Variants in SEC24D observed in about 807,000 individuals in gnomAD.
SEC24D encodes the protein SEC24 homolog D, COPII component, also known as protein transport protein Sec24D.
A neutral mutation model predicts 116.9 loss-of-function variants in SEC24D; 69 were observed. The ratio of observed to expected loss-of-function variants is 0.59; its 90% CI spans 0.49 to 0.72. The LOEUF is 0.72. SEC24D is among the 30% of genes least tolerant of loss of function. The probability of loss-of-function intolerance (pLI) is 0.00; values close to 1 mark genes in which losing one functional copy is unlikely to be tolerated. For missense variants in SEC24D, 1,131 were observed against 1,264.1 expected (o/e 0.89, Z 1.60); for synonymous variants, 405 against 442.8 (o/e 0.91, Z 1.07).
rs759981663 is a variant in SEC24D, at chr4:118,732,858, T to G, written c.2551A>C (p.Lys851Gln). ...VLPVYMNCLLKNCVLLSRPEI... is the reference protein window; with the variant it reads ...VLPVYMNCLLQNCVLLSRPEI... ...GGTCTGCTGAGTAGTACACAGTTTT[T>G]CAACAAGCAATTCATGTACACTGGC... The change falls in exon 20 of 23, where the codon AAA becomes CAA. Residue 851 changes from lysine to glutamine, a missense_variant. Coordinates refer to ENST00000280551, the MANE Select transcript of SEC24D (RefSeq NM_014822.4). 4 of 1,614,066 alleles carry G rather than the reference T, an allele frequency of 2.5e-6. No homozygotes were observed. In the South Asian group the frequency reaches 4.4e-5, roughly 18 times the overall value.
chr4:118,792,761 G>A (rs964742478), intron 8 of SEC24D, among the ~76,000 whole-genome samples: 2 of 152,022 alleles, frequency 1.3e-5, no homozygotes, highest in Non-Finnish European at 2.9e-5. Flanking sequence ...TGCGGAAGGC[G>A]GCAGGGCCCT....
chr4:118,750,909 G>A (rs1726793692), intron 13 of SEC24D, among the ~76,000 whole-genome samples: 2 of 151,598 alleles, frequency 1.3e-5, no homozygotes, highest in African/African-American at 4.8e-5. Context: ...GAATACTCTT[G>A]CAGATTAAAA....
chr4:118,782,729 G>A (rs1214531280), intron 8 of SEC24D, among the ~76,000 whole-genome samples: 5 of 152,232 alleles, frequency 3.3e-5, no homozygotes, highest in African/African-American at 1.2e-4. Context: ...GAGGCAGCAG[G>A]CCTTGCTGAG....
chr4:118,741,054 T>TA lies in SEC24D; in HGVS notation c.1996-18dup. 1 of 1,374,294 alleles carries TA rather than the reference T, an allele frequency of 7.3e-7. No individual in the cohort carries two copies. Among genetic ancestry groups the TA allele is most frequent in the Non-Finnish European group, 1.0e-6 (1 of 987,724 alleles). The allele number at this position is 1,374,294 out of a possible 1,614,324, so 85.1% of individuals were successfully genotyped here. On this transcript the variant is annotated splice_polypyrimidine_tract_variant and intron_variant, in intron 15 of 22. Transcript: ENST00000280551. Reference sequence around the variant, plus strand: ...CAAGTGCATCTAAAAAATAAAAGTCTAATCAATGTCCACCAGATGGCAGTA... The same window carrying TA: ...CAAGTGCATCTAAAAAATAAAAGTCTAAATCAATGTCCACCAGATGGCAGTA...
chr4:118,800,139 C>CGTG (rs1160808069), intron 7 of SEC24D, among the ~76,000 whole-genome samples: 1 of 151,842 alleles, frequency 6.6e-6, no homozygotes, highest in Non-Finnish European at 1.5e-5. Context: ...TGGGGGTCCA[C>CGTG]GTGGTGGTGG....
rs114232933 is a variant in SEC24D, at chr4:118,753,714, T to C, written c.1422-826A>G. Among the ~76,000 whole-genome samples the C allele has an allele frequency of 2.8e-3, 422 of 152,230 alleles. 1 individual carries two copies. Among genetic ancestry groups the C allele is most frequent in the African/African-American group, 9.6e-3 (400 of 41,550 alleles). On this transcript the variant is annotated intron_variant, in intron 11 of 22. Transcript: ENST00000280551. ...AGTTTCATGTTTGTTGAGTGCATTG[T>C]ACAGTCTATTTTTGTCTCCCCTAAA...
At position 118,722,862 on chromosome 4, in the gene SEC24D, C is replaced by A. The variant is rs1257038843; in HGVS notation, c.*653G>T. On this transcript the variant is annotated 3_prime_UTR_variant, in exon 23 of 23. Transcript: ENST00000280551. ...GTGATTTATTGATACTGGTTAACAT[C>A]CATTATATACAGGTAGAAACTTTCA... 6.6e-6 allele frequency: 1 copy of A among 152,520 alleles called. No individual in the cohort carries two copies. Among genetic ancestry groups the A allele is most frequent in the Non-Finnish European group, 1.5e-5 (1 of 68,012 alleles). 9.4% of individuals were successfully genotyped at this position (152,520 alleles called of 1,614,324 possible). A position where few individuals can be genotyped will look rare whatever the true frequency, so the allele number is the denominator to read the frequency against.
In SEC24D at chr4:118,786,712, T is replaced by C. The variant is rs17324443; in HGVS notation, c.1041+10971A>G. Among the ~76,000 whole-genome samples the C allele has an allele frequency of 6.7e-3, 1,013 of 152,302 alleles. 6 individuals carry two copies. Among genetic ancestry groups the C allele is most frequent in the Non-Finnish European group, 8.6e-3 (582 of 68,034 alleles). ...TAGAGAAATAGCAGCAAAAAGGCTC[T>C]AACACAGTTCCTCGTCTGTGGTGGC... On this transcript the variant is annotated intron_variant, in intron 8 of 22. Transcript: ENST00000280551.
chr4:118,750,830 TTA>T (rs1726789621), intron 13 of SEC24D, among the ~76,000 whole-genome samples: 1 of 152,070 alleles, frequency 6.6e-6, no homozygotes, highest in Non-Finnish European at 1.5e-5. Context: ...GTTATTAATT[TTA>T]TGTTAAATTG....
chr4:118,776,535 T>A (rs1031249139), intron 8 of SEC24D, among the ~76,000 whole-genome samples: 1 of 152,210 alleles, frequency 6.6e-6, no homozygotes, highest in Non-Finnish European at 1.5e-5. Context: ...TGGTAGGTAA[T>A]GATTCTTAAG....
Position 118,757,861 on chromosome 4 carries a change from C to T in SEC24D, c.1297-16G>A, listed in dbSNP as rs781212921. On this transcript the variant is annotated splice_polypyrimidine_tract_variant and intron_variant, in intron 10 of 22. Coordinates refer to ENST00000280551, the MANE Select transcript of SEC24D (RefSeq NM_014822.4). ...GCTTACTCTTCTATAGGAAAGCAAA[C>T]ACATCACATAAATAAAGTAAATACA... is the stretch of plus-strand genomic sequence containing the variant. The T allele has an allele frequency of 8.2e-6, 13 of 1,587,842 alleles. No homozygotes were observed. The highest frequency in any genetic ancestry group is 1.0e-5 in the Non-Finnish European group (12 of 1,170,316).
chr4:118,787,295 ATAAT>A (rs1404689234), intron 8 of SEC24D, among the ~76,000 whole-genome samples: 9 of 152,246 alleles, frequency 5.9e-5, no homozygotes, highest in African/African-American at 1.4e-4. Context: ...CACTTTAAAA[ATAAT>A]TAAAGCAGAC....
At chr4:118,835,071 G>A (rs1010612483) in intron 1 of SEC24D, among the ~76,000 whole-genome samples, 3 of 152,174 alleles carry the variant, frequency 2.0e-5, no homozygotes, top group Non-Finnish European at 4.4e-5. Context: ...CTTTGTTTCT[G>A]ACAACCCCTT....
At chr4:118,815,338 C>T in intron 5 of SEC24D, 113 bp downstream of exon 5, 1 of 1,425,668 alleles carries the variant, frequency 7.0e-7, no homozygotes, top group South Asian at 1.3e-5. Context: ...TCAAAAACTA[C>T]CATTTCTTAA....
chr4:118,805,065 G>A (rs927309855), intron 7 of SEC24D, among the ~76,000 whole-genome samples: 1 of 152,072 alleles, frequency 6.6e-6, no homozygotes, highest in African/African-American at 2.4e-5. Flanking sequence ...TGGGCAGTAA[G>A]GAGTGGAGTC....
At chr4:118,771,360 A>C (rs1727892345) in intron 8 of SEC24D, among the ~76,000 whole-genome samples, 1 of 152,178 alleles carries the variant, frequency 6.6e-6, no homozygotes, top group Admixed American at 6.6e-5. Flanking sequence ...GAAAAGTGAA[A>C]GGATAGAAAG....
rs72905485 is a variant in SEC24D, at chr4:118,731,875, G to C, written c.2677-368C>G. Among the ~76,000 whole-genome samples, 389 of 152,296 alleles carry C rather than the reference G, an allele frequency of 2.6e-3. 1 individual carries two copies. The highest frequency in any genetic ancestry group is 9.1e-3 in the African/African-American group (377 of 41,564). On this transcript the variant is annotated intron_variant, in intron 20 of 22. Transcript: ENST00000280551. Reference sequence around the variant, plus strand: ...AAGAAGGTAACCTGAGGAGGTAAGAGAAGGTGCCATCGGGACAACTGGAGA... The same window carrying C: ...AAGAAGGTAACCTGAGGAGGTAAGACAAGGTGCCATCGGGACAACTGGAGA...
In SEC24D at chr4:118,764,784, A is replaced by G; in HGVS notation, c.1296+18T>C. 7.6e-7 allele frequency: 1 copy of G among 1,310,642 alleles called. No homozygotes were observed. The highest frequency in any genetic ancestry group is 1.1e-6 in the Non-Finnish European group (1 of 908,218). 81.2% of individuals were successfully genotyped at this position (1,310,642 alleles called of 1,614,324 possible). A position where few individuals can be genotyped will look rare whatever the true frequency, so the allele number is the denominator to read the frequency against. ...TTAACATCAATGTATAAACACTTGAAGTTCTGGGAACACTTACTCTGCAAT... is the reference window on the plus strand; with the variant it reads ...TTAACATCAATGTATAAACACTTGAGGTTCTGGGAACACTTACTCTGCAAT... On this transcript the variant is annotated intron_variant, in intron 10 of 22. Coordinates refer to ENST00000280551, the MANE Select transcript of SEC24D (RefSeq NM_014822.4).
At chr4:118,809,441 A>T (rs965488167) in intron 6 of SEC24D, among the ~76,000 whole-genome samples, 6 of 152,366 alleles carry the variant, frequency 3.9e-5, no homozygotes, top group Admixed American at 1.3e-4. Flanking sequence ...AAGCTCAGTA[A>T]ATGTGACTTT....
Sources: allele counts gnomAD v4.1 joint callset (sites outside exome capture counted in the v4.1 genomes callset), GRCh38; gene constraint gnomAD v4.1.1; transcripts MANE v1.5; gene names NCBI Gene and HGNC (gene_info 2026-07-23, HGNC 2026-07-21).